POC1B: variants seen among roughly 807,000 people sequenced by gnomAD.
The protein encoded by POC1B is POC1 centriolar protein B.
Under a neutral mutation model 60.6 loss-of-function variants are expected in POC1B, and 44 were observed. The ratio of observed to expected loss-of-function variants is 0.73; its 90% CI spans 0.57 to 0.93. The LOEUF is 0.93. Ranked by LOEUF, POC1B falls within the 40% of genes least tolerant of loss-of-function variation. POC1B has a pLI of 0.00. For synonymous variants in POC1B, 180 were observed against 198.9 expected (o/e 0.90, Z 0.80); for missense variants, 555 against 572.3 (o/e 0.97, Z 0.31).
chr12:89,494,056 T>C (rs1280738215), intron 3 of POC1B, among the ~76,000 whole-genome samples: 3 of 152,158 alleles, frequency 2.0e-5, no homozygotes, highest in Non-Finnish European at 4.4e-5. Flanking sequence ...TATTTATTTT[T>C]TTGAGACGTG....
At chr12:89,480,428 CTT>C (rs112776690) in intron 4 of POC1B, among the ~76,000 whole-genome samples, 8 of 139,746 alleles carry the variant, frequency 5.7e-5, no homozygotes, top group African/African-American at 5.2e-5. Context: ...ATTTATAATT[CTT>C]TTTTTTTTTT....
intron 4 of POC1B, among the ~76,000 whole-genome samples, chr12:89,487,885 C>G (rs1220323936): frequency 6.6e-6 from 1 of 152,082 alleles, no homozygotes; most frequent in Non-Finnish European, 1.5e-5. Flanking sequence ...TTTATTACTC[C>G]CTTATCATCT....
At chr12:89,444,475 C>T (rs1460613684) in intron 10 of POC1B, among the ~76,000 whole-genome samples, 3 of 152,134 alleles carry the variant, frequency 2.0e-5, no homozygotes, top group Non-Finnish European at 4.4e-5. Flanking sequence ...AAACGTAATC[C>T]AGCATATAAA....
At chr12:89,517,069 C>G (rs534011554) in intron 2 of POC1B, among the ~76,000 whole-genome samples, 28 of 152,232 alleles carry the variant, frequency 1.8e-4, no homozygotes, top group African/African-American at 6.7e-4. Context: ...CCATTTAAAC[C>G]CACTATAGCT....
chr12:89,478,399 G>A (rs181120715), intron 4 of POC1B, among the ~76,000 whole-genome samples: 252 of 152,192 alleles, frequency 1.7e-3, no homozygotes, highest in African/African-American at 5.9e-3. Flanking sequence ...GATTACAGGC[G>A]TTAAACACCA....
At chr12:89,501,545 T>G (rs1869566566) in intron 2 of POC1B, 3 of 1,217,464 alleles carry the variant, frequency 2.5e-6, no homozygotes, top group East Asian at 2.4e-5. Context: ...ATGCCACCTG[T>G]GGGAAGCAAG....
chr12:89,525,973 G>T lies in POC1B; in HGVS notation c.-78C>A. 1 of 1,545,346 alleles carries T rather than the reference G, an allele frequency of 6.5e-7. No homozygotes were observed. The highest frequency in any genetic ancestry group is 8.7e-7 in the Non-Finnish European group (1 of 1,145,356). On this transcript the variant is annotated 5_prime_UTR_variant, in exon 1 of 12. Coordinates refer to ENST00000313546, the MANE Select transcript of POC1B (RefSeq NM_172240.3). ...AGGGGAGAGGATGGGGAAGGAGAGG[G>T]GACCGTGCGGCTCCCGGAACCGTCT...
At chr12:89,411,794 C>A in the POC1B span, among the ~76,000 whole-genome samples, 2 of 152,182 alleles carry the variant, frequency 1.3e-5, no homozygotes, top group African/African-American at 4.8e-5. Context: ...GATTTAACAA[C>A]TTTGAACTTT....
chr12:89,472,033 G>T, intron 5 of POC1B, 135 bp downstream of exon 5: 1 of 655,784 alleles, frequency 1.5e-6, no homozygotes, highest in Non-Finnish European at 2.6e-6. Flanking sequence ...CTCCCGAAGT[G>T]CTGGCATTAC....
intron 2 of POC1B, among the ~76,000 whole-genome samples, chr12:89,503,484 G>T (rs1048760322): frequency 1.3e-5 from 2 of 152,066 alleles, no homozygotes; most frequent in Non-Finnish European, 2.9e-5. Flanking sequence ...CCTCCCAGCC[G>T]CCTGCCTTGG....
At chr12:89,498,092 T>C (rs1869347277) in intron 2 of POC1B, among the ~76,000 whole-genome samples, 1 of 152,214 alleles carries the variant, frequency 6.6e-6, no homozygotes, top group Non-Finnish European at 1.5e-5. Flanking sequence ...AAGCTGATTA[T>C]TAAAGATGCA....
chr12:89,418,069 A>T (rs1391159001), downstream of POC1B, among the ~76,000 whole-genome samples: 4 of 152,204 alleles, frequency 2.6e-5, no homozygotes, highest in Non-Finnish European at 5.9e-5. Flanking sequence ...TATGTGTCAG[A>T]TGGTAATAAG....
At chr12:89,523,259 C>T (rs776285261) in intron 2 of POC1B, 3 of 1,614,042 alleles carry the variant, frequency 1.9e-6, no homozygotes, top group South Asian at 2.2e-5. Context: ...TTAGGAAAAA[C>T]GTTTTTCAAA....
chr12:89,500,888 T>C (rs939724683), intron 2 of POC1B: 3 of 1,052,714 alleles, frequency 2.8e-6, no homozygotes, highest in Admixed American at 4.6e-5. Context: ...AAAAAAGTTT[T>C]TCAACATTGT....
In POC1B at chr12:89,419,987, A is replaced by G. The variant is rs1880463350; in HGVS notation, c.*1166T>C. 1.3e-5 allele frequency: 2 copies of G among 152,150 alleles called. No homozygotes were observed. The highest frequency in any genetic ancestry group is 2.4e-5 in the African/African-American group (1 of 41,436). The allele number at this position is 152,150 out of a possible 1,614,324, so 9.4% of individuals were successfully genotyped here. On this transcript the variant is annotated 3_prime_UTR_variant, in exon 12 of 12. Coordinates refer to ENST00000313546, the MANE Select transcript of POC1B (RefSeq NM_172240.3). ...ATTTCTAAATATAGAAATAAATAGG[A>G]CGGCACTATTTCTTCTTTTCCAAAA...
chr12:89,485,591 T>C (rs1275891709), intron 4 of POC1B, among the ~76,000 whole-genome samples: 4 of 152,006 alleles, frequency 2.6e-5, no homozygotes, highest in Admixed American at 6.5e-5. Context: ...ACCGGTAAGA[T>C]AAAGACAGTC....
downstream of POC1B, among the ~76,000 whole-genome samples, chr12:89,415,086 TA>T (rs1334725744): frequency 6.6e-6 from 1 of 152,218 alleles, no homozygotes; most frequent in Non-Finnish European, 1.5e-5. Flanking sequence ...ATTATGACAT[TA>T]GTCTTCTAAG....
intron 10 of POC1B, among the ~76,000 whole-genome samples, chr12:89,445,867 C>T (rs1480386382): frequency 1.3e-5 from 2 of 152,092 alleles, no homozygotes; most frequent in Non-Finnish European, 2.9e-5. Flanking sequence ...ATCTGAGAAA[C>T]GGCTAATATC....
intron 10 of POC1B, among the ~76,000 whole-genome samples, chr12:89,444,364 CT>C: frequency 6.6e-6 from 1 of 152,202 alleles, no homozygotes. Flanking sequence ...CAATAAAATA[CT>C]GGCAAACTGA....
Sources: allele counts gnomAD v4.1 joint callset (sites outside exome capture counted in the v4.1 genomes callset), GRCh38; gene constraint gnomAD v4.1.1; transcripts MANE v1.5; gene names NCBI Gene and HGNC (gene_info 2026-07-23, HGNC 2026-07-21).